Variants in NT5DC3 observed in about 807,000 individuals in gnomAD.
The protein encoded by NT5DC3 is 5'-nucleotidase domain-containing protein 3.
Under a neutral mutation model 67.8 loss-of-function variants are expected in NT5DC3, and 42 were observed. The observed-to-expected ratio is 0.62, with a 90% CI of 0.48 to 0.80. NT5DC3 has a LOEUF of 0.80. Among genes scored for constraint, NT5DC3 ranks in the 30% least tolerant of loss-of-function variants. NT5DC3 has a pLI of 0.00. For missense variants in NT5DC3, 570 were observed against 696.4 expected (o/e 0.82, Z 2.04); for synonymous variants, 237 against 255.6 (o/e 0.93, Z 0.69).
chr12:103,753,257 G>A, the NT5DC3 span: 1 of 1,614,172 alleles, frequency 6.2e-7, no homozygotes, highest in African/African-American at 1.3e-5. Flanking sequence ...GCTCCCCACT[G>A]GGCCAGTATA....
At chr12:103,831,206 G>A (rs1398897613) in intron 1 of NT5DC3, among the ~76,000 whole-genome samples, 2 of 152,150 alleles carry the variant, frequency 1.3e-5, no homozygotes, top group African/African-American at 2.4e-5. Flanking sequence ...TTGTGATAGT[G>A]AGTGAGTCTC....
At chr12:103,825,631 A>G (rs1452066564) in intron 1 of NT5DC3, among the ~76,000 whole-genome samples, 2 of 152,196 alleles carry the variant, frequency 1.3e-5, no homozygotes, top group Non-Finnish European at 2.9e-5. Flanking sequence ...GTCTCTAAAA[A>G]AAAATTTTAA....
At chr12:103,837,125 C>A (rs141451866) in intron 1 of NT5DC3, among the ~76,000 whole-genome samples, 1 of 152,350 alleles carries the variant, frequency 6.6e-6, no homozygotes, top group Non-Finnish European at 1.5e-5. Flanking sequence ...TCGGTGCACC[C>A]GTAGGCTCAA....
chr12:103,825,966 T>C (rs1390300962), intron 1 of NT5DC3, among the ~76,000 whole-genome samples: 4 of 152,178 alleles, frequency 2.6e-5, no homozygotes, highest in Non-Finnish European at 5.9e-5. Flanking sequence ...CAATCCCTCA[T>C]ATGCAGATGG....
At chr12:103,805,904 G>A (rs1191244847) in intron 4 of NT5DC3, among the ~76,000 whole-genome samples, 3 of 150,330 alleles carry the variant, frequency 2.0e-5, no homozygotes, top group Non-Finnish European at 4.4e-5. Context: ...ATACCATGGT[G>A]GGAAGGAGAA....
the NT5DC3 span, chr12:103,749,250 A>C: frequency 6.8e-6 from 9 of 1,316,732 alleles, no homozygotes; most frequent in Admixed American, 2.8e-5. Context: ...TATCTCCTGG[A>C]CTCTTCCTAA....
chr12:103,780,206 A>ATTTTGCCTATG, intron 13 of NT5DC3, 94 bp downstream of exon 13: 1 of 1,043,830 alleles, frequency 9.6e-7, no homozygotes, highest in South Asian at 1.3e-5. Flanking sequence ...ATGTTTCAAC[A>ATTTTGCCTATG]TTATGCCTCA....
chr12:103,813,269 G>A (rs530454294), intron 2 of NT5DC3, among the ~76,000 whole-genome samples: 87 of 152,296 alleles, frequency 5.7e-4, no homozygotes, highest in African/African-American at 2.0e-3. Context: ...GAACCACCTC[G>A]TTCTTAGTTG....
At chr12:103,795,682 CAT>C (rs1303273556) in intron 6 of NT5DC3, among the ~76,000 whole-genome samples, 9 of 151,652 alleles carry the variant, frequency 5.9e-5, no homozygotes, top group Admixed American at 6.6e-5. Flanking sequence ...TAAATAAACA[CAT>C]ATTTTTATAA....
At chr12:103,831,295 G>A (rs528646467) in intron 1 of NT5DC3, among the ~76,000 whole-genome samples, 2 of 152,222 alleles carry the variant, frequency 1.3e-5, no homozygotes, top group Admixed American at 6.5e-5. Flanking sequence ...CTGTGAAGAG[G>A]TGCCTTCTGC....
rs9132 is a variant in NT5DC3 at position 103,772,465 on chromosome 12, C to T, written c.*5364G>A. 0.29 allele frequency: 44,054 copies of T among 152,246 alleles called. 6,582 individuals carry two copies. Among genetic ancestry groups the T allele is most frequent in the South Asian group, 0.47 (2,277 of 4,826 alleles). The allele number at this position is 152,246 out of a possible 1,614,324, so 9.4% of individuals were successfully genotyped here. On this transcript the variant is annotated 3_prime_UTR_variant, in exon 14 of 14. Transcript: ENST00000392876. ...CATACAGGCACAATCTGTCATTCCA[C>T]GAGATAACTGGAAAAGTCTCCAAAG...
intron 1 of NT5DC3, among the ~76,000 whole-genome samples, chr12:103,833,911 C>T (rs950480090): frequency 6.6e-6 from 1 of 152,176 alleles, no homozygotes; most frequent in Non-Finnish European, 1.5e-5. Context: ...AGAGACCACA[C>T]ATAGGCATAT....
chr12:103,748,605 T>C, the NT5DC3 span, among the ~76,000 whole-genome samples: 316 of 141,650 alleles, frequency 2.2e-3, no homozygotes, highest in Middle Eastern at 7.0e-3. Context: ...CACACACACA[T>C]ACACACACAC....
the NT5DC3 span, among the ~76,000 whole-genome samples, chr12:103,760,588 G>A: frequency 4.6e-5 from 7 of 152,124 alleles, no homozygotes; most frequent in African/African-American, 7.2e-5. Context: ...GGGGTGACAT[G>A]TCCTAAGCCC....
intron 4 of NT5DC3, among the ~76,000 whole-genome samples, chr12:103,805,057 C>CAAA (rs35401787): frequency 0.043 from 5,165 of 120,794 alleles, 213 homozygotes; most frequent in East Asian, 0.17. Context: ...ATCTCAATAA[C>CAAA]AAAAAAAAAA....
Position 103,780,357 on chromosome 12 carries a change from C to T in NT5DC3, c.1337G>A (p.Arg446Lys). 1 of 1,613,976 alleles carries T rather than the reference C, an allele frequency of 6.2e-7. No individual in the cohort carries two copies. The part of the protein sequence containing the change: ...TGLLEQMQVH[R>K]DAESQLVLQE... ...CAAAACCAGCTGTGACTCAGCATCT[C>T]TGTGAACCTGTAGGACACAAGTCAA... Residue 446 changes from arginine to lysine, a missense_variant, in exon 13 of 14, where the codon AGA (arginine) becomes AAA (lysine). By Grantham distance (26) the Arg-to-Lys change is conservative. Transcript: ENST00000392876.
intron 6 of NT5DC3, among the ~76,000 whole-genome samples, chr12:103,795,776 T>C (rs4964813): frequency 0.37 from 56,285 of 151,908 alleles, 11,515 homozygotes; most frequent in East Asian, 0.88. Flanking sequence ...AAAGAACATA[T>C]ATAAATATAT....
At chr12:103,815,469 T>C (rs973965375) in intron 1 of NT5DC3, among the ~76,000 whole-genome samples, 6 of 152,226 alleles carry the variant, frequency 3.9e-5, no homozygotes, top group Non-Finnish European at 8.8e-5. Flanking sequence ...TTAACCAGAC[T>C]GGAGTGCAGT....
intron 1 of NT5DC3, among the ~76,000 whole-genome samples, chr12:103,829,032 A>T (rs570227863): frequency 6.6e-6 from 1 of 152,090 alleles, no homozygotes; most frequent in Non-Finnish European, 1.5e-5. Flanking sequence ...TACCACATAC[A>T]TGTGTGTCCC....
Sources: gnomAD v4.1 joint callset for allele counts (sites outside exome capture counted in the v4.1 genomes callset) on GRCh38, gnomAD v4.1.1 for gene constraint, MANE v1.5 for transcripts, NCBI Gene and HGNC (gene_info 2026-07-23, HGNC 2026-07-21) for gene names.